Variants in FSHR observed in about 807,000 individuals in gnomAD.
FSHR encodes follicle stimulating hormone receptor, also known as follicle-stimulating hormone receptor.
FSHR carries 46 observed loss-of-function variants against 52.1 expected under a neutral mutation model. The ratio of observed to expected loss-of-function variants is 0.88; its 90% CI spans 0.70 to 1.13. FSHR has a LOEUF of 1.13. Ranked by LOEUF, FSHR falls within the 50% of genes most tolerant of loss-of-function variation. The pLI is 0.00. For synonymous variants in FSHR, 399 were observed against 309.6 expected, an observed-to-expected ratio of 1.29 and a Z score of -3.03; for missense variants, 964 against 834.6, an observed-to-expected ratio of 1.16 and a Z score of -1.91.
At chr2:49,147,075 T>G (rs574596058) in intron 1 of FSHR, among the ~76,000 whole-genome samples, 2 of 152,182 alleles carry the variant, frequency 1.3e-5, no homozygotes, top group East Asian at 3.9e-4. Context: ...AAATATTATT[T>G]TACATATCCT....
chr2:49,127,974 C>T (rs374306544), intron 1 of FSHR, among the ~76,000 whole-genome samples: 2 of 150,014 alleles, frequency 1.3e-5, no homozygotes, highest in African/African-American at 4.9e-5. Flanking sequence ...CTCACCGCAA[C>T]CTCTGCTTCC....
chr2:49,025,567 T>C (rs1667887917), intron 2 of FSHR, among the ~76,000 whole-genome samples: 1 of 152,144 alleles, frequency 6.6e-6, no homozygotes, highest in Non-Finnish European at 1.5e-5. Context: ...ATATGTCATG[T>C]ATAAGAAGGC....
intron 4 of FSHR, among the ~76,000 whole-genome samples, chr2:49,003,511 A>C (rs1666978060): frequency 6.6e-6 from 1 of 152,218 alleles, no homozygotes; most frequent in South Asian, 2.1e-4. Flanking sequence ...ATAAATCAAG[A>C]GTTTGGGGGC....
chr2:48,987,800 TCTTTCTTACC>T (rs992141865), intron 6 of FSHR, among the ~76,000 whole-genome samples: 1 of 150,900 alleles, frequency 6.6e-6, no homozygotes, highest in Non-Finnish European at 1.5e-5. Flanking sequence ...TTTTGCTTTC[TCTTTCTTACC>T]CTTTCTGCAC....
At chr2:49,088,982 C>T (rs1012354770) in intron 1 of FSHR, among the ~76,000 whole-genome samples, 4 of 151,970 alleles carry the variant, frequency 2.6e-5, no homozygotes, top group Admixed American at 6.6e-5. Flanking sequence ...AAATGTCGAA[C>T]GTTCAAATGA....
At chr2:48,977,299 G>A (rs899961355) in intron 8 of FSHR, among the ~76,000 whole-genome samples, 2 of 152,276 alleles carry the variant, frequency 1.3e-5, no homozygotes, top group East Asian at 3.9e-4. Context: ...GGAACCATGG[G>A]ACGGGATTAG....
chr2:49,064,132 T>C (rs1241552155), intron 2 of FSHR, among the ~76,000 whole-genome samples: 1 of 151,638 alleles, frequency 6.6e-6, no homozygotes. Flanking sequence ...ACATAATCAG[T>C]TATGAATTTA....
At chr2:49,011,471 G>A (rs1336094227) in intron 4 of FSHR, among the ~76,000 whole-genome samples, 3 of 152,090 alleles carry the variant, frequency 2.0e-5, no homozygotes, top group Non-Finnish European at 4.4e-5. Context: ...TTTTGGAATA[G>A]GTGTGGTGTG....
At chr2:49,093,747 A>C (rs1041652391) in intron 1 of FSHR, among the ~76,000 whole-genome samples, 1 of 151,782 alleles carries the variant, frequency 6.6e-6, no homozygotes, top group Non-Finnish European at 1.5e-5. Context: ...GGCGTGCACC[A>C]CCACGCCTGG....
At chr2:49,132,998 C>T (rs1389171830) in intron 1 of FSHR, among the ~76,000 whole-genome samples, 1 of 97,496 alleles carries the variant, frequency 1.0e-5, no homozygotes, top group South Asian at 3.0e-4. Flanking sequence ...AAAAAAAAGG[C>T]AAGTTTGTGG....
chr2:48,998,373 T>A (rs972898375), intron 4 of FSHR, among the ~76,000 whole-genome samples: 1 of 152,136 alleles, frequency 6.6e-6, no homozygotes, highest in South Asian at 2.1e-4. Flanking sequence ...GTGATGTATG[T>A]CATTATATAT....
intron 1 of FSHR, among the ~76,000 whole-genome samples, chr2:49,118,466 G>A (rs956329124): frequency 7.2e-5 from 11 of 152,322 alleles, no homozygotes; most frequent in Non-Finnish European, 5.9e-5. Context: ...AGTGGGACCG[G>A]AGAGGTGTCA....
chr2:49,113,195 G>C (rs1458503872), intron 1 of FSHR, among the ~76,000 whole-genome samples: 1 of 152,130 alleles, frequency 6.6e-6, no homozygotes, highest in Non-Finnish European at 1.5e-5. Flanking sequence ...CAGACATGTG[G>C]GGCTCCAAGT....
intron 1 of FSHR, among the ~76,000 whole-genome samples, chr2:49,144,582 C>T (rs932477036): frequency 1.3e-4 from 20 of 152,082 alleles, no homozygotes; most frequent in Non-Finnish European, 2.5e-4. Flanking sequence ...CATTGCTTTT[C>T]CAGTTTGTTT....
At chr2:49,104,872 G>A (rs971830) in intron 1 of FSHR, among the ~76,000 whole-genome samples, 7,765 of 149,226 alleles carry the variant, frequency 0.052, 241 homozygotes, top group Middle Eastern at 0.09. Context: ...GAGGGGGGGC[G>A]GGCACAGAAC....
At position 49,093,595 on chromosome 2, in the gene FSHR, C is replaced by CCTTTTTTTT. The variant is rs1553344384; in HGVS notation, c.153-25306_153-25305insAAAAAAAAG. Reference sequence around the variant, plus strand: ...AGCCTTTCTAAAACATTATATTTATCTTTTTTTTTTTTTTTTTGAGACGGA... The same window carrying CCTTTTTTTT: ...AGCCTTTCTAAAACATTATATTTATCCTTTTTTTTTTTTTTTTTTTTTTTTTGAGACGGA... On this transcript the variant is annotated intron_variant, in intron 1 of 9. Transcript: ENST00000406846. Among the ~76,000 whole-genome samples, 3 of 132,944 alleles carry CCTTTTTTTT rather than the reference C, an allele frequency of 2.3e-5. 1 individual carries two copies. Among genetic ancestry groups the CCTTTTTTTT allele is most frequent in the Non-Finnish European group, 3.2e-5 (2 of 62,952 alleles). 87.2% of individuals were successfully genotyped at this position (132,944 alleles called of 152,430 possible).
intron 2 of FSHR, among the ~76,000 whole-genome samples, chr2:49,039,719 A>G (rs1240632025): frequency 6.6e-6 from 1 of 152,126 alleles, no homozygotes; most frequent in African/African-American, 2.4e-5. Flanking sequence ...AAATATTTTA[A>G]TGGCCATCAG....
chr2:49,098,725 A>G (rs904102791), intron 1 of FSHR, among the ~76,000 whole-genome samples: 2 of 146,666 alleles, frequency 1.4e-5, no homozygotes, highest in African/African-American at 5.0e-5. Flanking sequence ...TTATCCATAT[A>G]TTACCCATAT....
intron 1 of FSHR, among the ~76,000 whole-genome samples, chr2:49,130,861 C>T (rs1336659901): frequency 6.6e-6 from 1 of 152,118 alleles, no homozygotes; most frequent in African/African-American, 2.4e-5. Flanking sequence ...AGACAAGCTA[C>T]TCAACTTAGG....
Sources: allele counts gnomAD v4.1 joint callset (sites outside exome capture counted in the v4.1 genomes callset), GRCh38; gene constraint gnomAD v4.1.1; transcripts MANE v1.5; gene names NCBI Gene and HGNC (gene_info 2026-07-23, HGNC 2026-07-21).